ZEB1: variants seen among roughly 807,000 people sequenced by gnomAD.
ZEB1 encodes the protein zinc finger E-box binding homeobox 1.
In ZEB1, 21 loss-of-function variants were observed where a neutral mutation model predicts 84.9. The observed-to-expected ratio is 0.25, with a 90% CI of 0.18 to 0.36. ZEB1 has a LOEUF of 0.36. Among genes scored for constraint, ZEB1 ranks in the 10% least tolerant of loss-of-function variants. The pLI, the probability that ZEB1 is intolerant of heterozygous loss-of-function variation, is 1.00. For synonymous variants in ZEB1, 420 were observed against 471.1 expected (o/e 0.89, Z 1.41); for missense variants, 1,104 against 1,330.2 (o/e 0.83, Z 2.65).
At chr10:31,469,258 C>T (rs1427768191) in intron 2 of ZEB1, among the ~76,000 whole-genome samples, 1 of 151,748 alleles carries the variant, frequency 6.6e-6, no homozygotes, top group South Asian at 2.1e-4. Flanking sequence ...CCAGCGTGAG[C>T]GACGCAGAAG....
chr10:31,319,138 G>A (rs773657887), upstream of ZEB1: 622 of 821,698 alleles, frequency 7.6e-4, 3 homozygotes, highest in Non-Finnish European at 9.6e-4. Flanking sequence ...AACCAGGTGC[G>A]GTGGGGAGGG....
intron 1 of ZEB1, among the ~76,000 whole-genome samples, chr10:31,362,441 G>A (rs1471256118): frequency 1.0e-4 from 15 of 147,160 alleles, no homozygotes; most frequent in Non-Finnish European, 1.5e-4. Flanking sequence ...CTTCGCAGAC[G>A]GGACGGTGGC....
At chr10:31,485,992 G>A (rs896463594) in intron 2 of ZEB1, among the ~76,000 whole-genome samples, 2 of 151,790 alleles carry the variant, frequency 1.3e-5, no homozygotes, top group African/African-American at 4.8e-5. Flanking sequence ...AACATAATCT[G>A]TGTCACTCAG....
chr10:31,319,212 A>G (rs2032958703), upstream of ZEB1: 2 of 1,597,506 alleles, frequency 1.3e-6, no homozygotes, highest in Non-Finnish European at 8.5e-7. Flanking sequence ...TGACTCGAGC[A>G]TTTAGACACA....
intron 1 of ZEB1, among the ~76,000 whole-genome samples, chr10:31,331,501 T>C (rs2036783323): frequency 6.6e-6 from 1 of 152,202 alleles, no homozygotes; most frequent in South Asian, 2.1e-4. Flanking sequence ...TGATGGATTA[T>C]TGTATGCAAG....
At chr10:31,404,409 T>A (rs1226597774) in intron 1 of ZEB1, among the ~76,000 whole-genome samples, 1 of 152,178 alleles carries the variant, frequency 6.6e-6, no homozygotes, top group Admixed American at 6.5e-5. Context: ...AGTTACCAAC[T>A]TTGTAGCCTT....
intron 1 of ZEB1, among the ~76,000 whole-genome samples, chr10:31,369,903 C>T (rs1013302908): frequency 6.6e-6 from 1 of 152,328 alleles, no homozygotes; most frequent in African/African-American, 2.4e-5. Context: ...GCTACTCTAA[C>T]AGGTGTAAAG....
At chr10:31,359,830 C>G (rs1415646403) in intron 1 of ZEB1, among the ~76,000 whole-genome samples, 2 of 152,118 alleles carry the variant, frequency 1.3e-5, no homozygotes, top group Non-Finnish European at 2.9e-5. Flanking sequence ...ATCTCAACCC[C>G]TCTTGTTATA....
chr10:31,424,711 T>C (rs1295572836), intron 1 of ZEB1, among the ~76,000 whole-genome samples: 3 of 152,018 alleles, frequency 2.0e-5, no homozygotes, highest in Non-Finnish European at 4.4e-5. Context: ...TGTTAGAACA[T>C]TTATGCTGCT....
intron 1 of ZEB1, among the ~76,000 whole-genome samples, chr10:31,437,763 A>G (rs774193003): frequency 4.6e-5 from 7 of 152,168 alleles, no homozygotes; most frequent in Non-Finnish European, 1.0e-4. Context: ...CACTTTTCCT[A>G]TGATTTCTCT....
intron 1 of ZEB1, among the ~76,000 whole-genome samples, chr10:31,332,871 T>C (rs1025960522): frequency 1.3e-5 from 2 of 152,222 alleles, no homozygotes; most frequent in South Asian, 4.1e-4. Flanking sequence ...TTCTATGTTA[T>C]TATATAGCGT....
At chr10:31,457,746 A>T (rs546480806) in intron 1 of ZEB1, among the ~76,000 whole-genome samples, 2 of 152,258 alleles carry the variant, frequency 1.3e-5, no homozygotes, top group Admixed American at 1.3e-4. Context: ...AACACCCAGT[A>T]TCTCTGGTTA....
chr10:31,323,333 A>C (rs565737336), intron 1 of ZEB1, among the ~76,000 whole-genome samples: 14 of 150,924 alleles, frequency 9.3e-5, no homozygotes, highest in Non-Finnish European at 1.9e-4. Flanking sequence ...TCAAAGTTTA[A>C]GAGTAGCAAG....
intron 1 of ZEB1, among the ~76,000 whole-genome samples, chr10:31,369,013 A>G (rs2045154873): frequency 6.6e-6 from 1 of 152,218 alleles, no homozygotes; most frequent in South Asian, 2.1e-4. Flanking sequence ...AGTGGAGGAC[A>G]TATCTTTACA....
rs566133733 is a variant in ZEB1, at chr10:31,360,841, G to A, written c.58+41549G>A. ...AGTAAAATCTCACAGAGTTCTCAAG[G>A]CCATTTTGCATTTACTAGTGCCACA... On this transcript the variant is annotated intron_variant, in intron 1 of 8. Coordinates refer to ENST00000424869, the MANE Select transcript of ZEB1 (RefSeq NM_001174096.2). 12 of 784,184 alleles carry A rather than the reference G, an allele frequency of 1.5e-5. No individual in the cohort carries two copies. In the Admixed American group the frequency reaches 2.2e-4, roughly 15 times the overall value. The allele number at this position is 784,184 out of a possible 1,614,324, so 48.6% of individuals were successfully genotyped here. A position where few individuals can be genotyped will look rare whatever the true frequency, so the allele number is the denominator to read the frequency against.
chr10:31,397,175 TTATTA>T lies in ZEB1; in HGVS notation c.59-63860_59-63856del, dbSNP rs1164894921. On this transcript the variant is annotated intron_variant, in intron 1 of 8. Coordinates refer to ENST00000424869, the MANE Select transcript of ZEB1 (RefSeq NM_001174096.2). ...CTTGGGTTTTTTATTATTATTATTA[TTATTA>T]TTATTATTATTATTATTATTATACT... 6.9e-5 allele frequency among the ~76,000 whole-genome samples: 10 copies of T among 144,536 alleles called. No homozygotes were observed. The East Asian group carries it at 2.0e-3, about 29-fold the overall frequency. The allele number at this position is 144,536 out of a possible 152,430, so 94.8% of individuals were successfully genotyped here.
Position 31,459,670 on chromosome 10 carries a change from A to G in ZEB1, c.59-1367A>G, listed in dbSNP as rs567925887. ...TTTTTCTTCTGACACAAGATATTGA[A>G]GAACTCCTAATATGTGAGCACAGTG... On this transcript the variant is annotated intron_variant, in intron 1 of 8. Transcript: ENST00000424869. Among the ~76,000 whole-genome samples, 93 of 152,224 alleles carry G rather than the reference A, an allele frequency of 6.1e-4. 1 individual carries two copies. Among genetic ancestry groups the G allele is most frequent in the Admixed American group, 5.8e-3 (89 of 15,278 alleles).
At chr10:31,339,534 C>T (rs1276881256) in intron 1 of ZEB1, among the ~76,000 whole-genome samples, 2 of 152,058 alleles carry the variant, frequency 1.3e-5, no homozygotes, top group Non-Finnish European at 2.9e-5. Flanking sequence ...CTTTGGGAGG[C>T]TGAGGTGGGT....
intron 1 of ZEB1, among the ~76,000 whole-genome samples, chr10:31,397,563 TGA>T (rs1335758893): frequency 1.3e-5 from 2 of 152,220 alleles, no homozygotes; most frequent in Non-Finnish European, 2.9e-5. Context: ...TCCTGAAATT[TGA>T]CTTACCTGGA....
Sources: gnomAD v4.1 joint callset for allele counts (sites outside exome capture counted in the v4.1 genomes callset) on GRCh38, gnomAD v4.1.1 for gene constraint, MANE v1.5 for transcripts, NCBI Gene and HGNC (gene_info 2026-07-23, HGNC 2026-07-21) for gene names.